The following CHRDL1 variants were observed in gnomAD, a reference collection of about 807,000 sequenced individuals.
CHRDL1 encodes the protein chordin like 1.
A neutral mutation model predicts 40.9 loss-of-function variants in CHRDL1; 19 were observed. The observed-to-expected ratio is 0.46, with a 90% CI of 0.32 to 0.68. The LOEUF is 0.68. Ranked by LOEUF, CHRDL1 falls within the 30% of genes least tolerant of loss-of-function variation. The pLI is 0.03. For missense variants in CHRDL1, 329 were observed against 352.1 expected, an observed-to-expected ratio of 0.93 and a Z score of 0.53; for synonymous variants, 136 against 123.4, an observed-to-expected ratio of 1.10 and a Z score of -0.68.
At chrX:110,782,462 T>A (rs1440144466) in intron 2 of CHRDL1, among the ~76,000 whole-genome samples, 1 of 112,541 alleles carries the variant, frequency 8.9e-6, no homozygotes, top group Non-Finnish European at 1.9e-5. Context: ...CAGGTCACTG[T>A]TTTTAGAACT....
intron 11 of CHRDL1, 94 bp from the exon 12 acceptor site, chrX:110,676,455 T>C: frequency 1.2e-6 from 1 of 832,664 alleles, no homozygotes; most frequent in Non-Finnish European, 1.7e-6. Flanking sequence ...GCTTACCCAC[T>C]TACTCATGGA....
At chrX:110,697,068 C>G (rs5985545) in intron 7 of CHRDL1, among the ~76,000 whole-genome samples, 53,464 of 110,175 alleles carry the variant, frequency 0.49, 11,253 homozygotes, top group African/African-American at 0.79. Flanking sequence ...CTGCAACTAG[C>G]CTGCTTGAGA....
chrX:110,758,660 T>TA (rs1445056203), intron 4 of CHRDL1, among the ~76,000 whole-genome samples: 1 of 111,655 alleles, frequency 9.0e-6, no homozygotes, highest in African/African-American at 3.3e-5. Context: ...TGGAAGTTCC[T>TA]CACCACTTAA....
At position 110,700,735 on chromosome X, in the gene CHRDL1, A is replaced by G. The variant is rs770417820; in HGVS notation, c.542-14T>C. 2.9e-6 allele frequency: 3 copies of G among 1,050,607 alleles called. No individual in the cohort carries two copies. Among genetic ancestry groups the G allele is most frequent in the East Asian group, 6.0e-5 (2 of 33,162 alleles). The allele number at this position is 1,050,607 out of a possible 1,213,427, so 86.6% of individuals were successfully genotyped here. On this transcript the variant is annotated splice_polypyrimidine_tract_variant and intron_variant, in intron 6 of 11. Coordinates refer to ENST00000372042, the MANE Select transcript of CHRDL1 (RefSeq NM_001143981.2). Reference sequence around the variant, plus strand: ...GTTCTCCATCTCCTGTTTATTAAAAAGAAATAAGGAGAAAATCATACATTC... The same window carrying G: ...GTTCTCCATCTCCTGTTTATTAAAAGGAAATAAGGAGAAAATCATACATTC...
chrX:110,785,166 T>G (rs779899468), intron 2 of CHRDL1, among the ~76,000 whole-genome samples: 1 of 111,583 alleles, frequency 9.0e-6, no homozygotes, highest in South Asian at 3.8e-4. Flanking sequence ...GCTCTTGAAC[T>G]TCTCACAATA....
At position 110,675,718 on chromosome X, in the gene CHRDL1, AGAGG is replaced by A. The variant is rs57440304; in HGVS notation, c.*509_*512del. 0.43 allele frequency: 42,003 copies of A among 98,311 alleles called. 8,258 individuals are homozygous for A. The highest frequency in any genetic ancestry group is 0.67 in the African/African-American group (16,611 of 24,893). The allele number at this position is 98,311 out of a possible 1,213,427, so 8.1% of individuals were successfully genotyped here. On this transcript the variant is annotated 3_prime_UTR_variant, in exon 12 of 12. Transcript: ENST00000372042. ...GTGTGTGTGTGTGTGTGTCTGTGAG[AGAGG>A]GAGGGAGAGAGAGAGAGAGAGAGAA...
chrX:110,714,019 G>A (rs1217054145), intron 6 of CHRDL1, among the ~76,000 whole-genome samples: 2 of 109,934 alleles, frequency 1.8e-5, no homozygotes, highest in African/African-American at 6.6e-5. Context: ...CCAGAATGTG[G>A]CAGTAGTATA....
chrX:110,736,385 T>C (rs2071263925), intron 4 of CHRDL1, among the ~76,000 whole-genome samples: 1 of 111,933 alleles, frequency 8.9e-6, no homozygotes, highest in African/African-American at 3.2e-5. Flanking sequence ...GAAAGAAAGG[T>C]GTGAAAAGTA....
In CHRDL1 at chrX:110,673,970, G is replaced by A. The variant is rs1171390703; in HGVS notation, c.*2261C>T. ...GTGAGAACAGTGAAAGGGTAATACTGTTATGTTACTCTTACTTGTTTACAT... is the reference window on the plus strand; with the variant it reads ...GTGAGAACAGTGAAAGGGTAATACTATTATGTTACTCTTACTTGTTTACAT... On this transcript the variant is annotated 3_prime_UTR_variant, in exon 12 of 12. Transcript: ENST00000372042. 8.9e-6 allele frequency: 1 copy of A among 112,399 alleles called. No individual in the cohort carries two copies. The highest frequency in any genetic ancestry group is 3.2e-5 in the African/African-American group (1 of 30,938). The allele number at this position is 112,399 out of a possible 1,213,427, so 9.3% of individuals were successfully genotyped here. A position where few individuals can be genotyped will look rare whatever the true frequency, so the allele number is the denominator to read the frequency against.
Position 110,674,274 on chromosome X carries a change from C to T in CHRDL1, c.*1957G>A, listed in dbSNP as rs2069727124. On this transcript the variant is annotated 3_prime_UTR_variant, in exon 12 of 12. Transcript: ENST00000372042. ...GGAGGCAGGAGTATATCTAGGGAAACTCTCTGCGTGTTCTCTTAAGGCTAA... is the reference window on the plus strand; with the variant it reads ...GGAGGCAGGAGTATATCTAGGGAAATTCTCTGCGTGTTCTCTTAAGGCTAA... 9.0e-6 allele frequency: 1 copy of T among 111,040 alleles called. No homozygotes were observed. The highest frequency in any genetic ancestry group is 1.9e-5 in the Non-Finnish European group (1 of 52,981). 9.2% of individuals were successfully genotyped at this position (111,040 alleles called of 1,213,427 possible).
chrX:110,792,351 C>G, intron 1 of CHRDL1, 136 bp from the exon 2 acceptor site: 1 of 378,503 alleles, frequency 2.6e-6, no homozygotes, highest in East Asian at 4.4e-5. Flanking sequence ...GTATTGTCTG[C>G]CTGCACAAGA....
At chrX:110,718,582 GCCTGGGGC>G (rs995136913) in intron 6 of CHRDL1, among the ~76,000 whole-genome samples, 2 of 111,731 alleles carry the variant, frequency 1.8e-5, no homozygotes, top group Non-Finnish European at 3.8e-5. Context: ...GCTCTTCCCT[GCCTGGGGC>G]CTTTGAACTT....
At chrX:110,738,725 G>C (rs2071307751) in intron 4 of CHRDL1, among the ~76,000 whole-genome samples, 1 of 101,689 alleles carries the variant, frequency 9.8e-6, no homozygotes, top group Non-Finnish European at 2.0e-5. Flanking sequence ...CTGGGTGACA[G>C]AGTGAGACTC....
intron 2 of CHRDL1, among the ~76,000 whole-genome samples, chrX:110,787,402 TAA>T (rs746302287): frequency 1.8e-5 from 2 of 111,663 alleles, no homozygotes; most frequent in Admixed American, 9.5e-5. Context: ...CTCACCAAAA[TAA>T]AAAACAATTA....
intron 4 of CHRDL1, among the ~76,000 whole-genome samples, chrX:110,757,099 T>C (rs1422359989): frequency 2.7e-5 from 3 of 110,980 alleles, no homozygotes; most frequent in Non-Finnish European, 5.7e-5. Context: ...TAATATATCA[T>C]TTTAGGGAGA....
Position 110,674,782 on chromosome X carries a change from C to T in CHRDL1, c.*1449G>A. 1 of 112,365 alleles carries T rather than the reference C, an allele frequency of 8.9e-6. No individual in the cohort carries two copies. Among genetic ancestry groups the T allele is most frequent in the Middle Eastern group, 4.6e-3 (1 of 218 alleles). The allele number at this position is 112,365 out of a possible 1,213,427, so 9.3% of individuals were successfully genotyped here. On this transcript the variant is annotated 3_prime_UTR_variant, in exon 12 of 12. Transcript: ENST00000372042. The stretch of plus-strand genomic sequence containing the variant: ...TTTCTGGGTCCTTAAAACATTTCTA[C>T]AGTTCATTCCTGCCCCTCAGAGGGA...
At chrX:110,716,959 T>C (rs528807079) in intron 6 of CHRDL1, among the ~76,000 whole-genome samples, 1 of 111,895 alleles carries the variant, frequency 8.9e-6, no homozygotes, top group East Asian at 2.8e-4. Context: ...TGGTCGGACT[T>C]AGATGCTTTA....
intron 2 of CHRDL1, among the ~76,000 whole-genome samples, chrX:110,769,104 C>T (rs769913736): frequency 8.9e-6 from 1 of 111,897 alleles, no homozygotes; most frequent in East Asian, 2.8e-4. Context: ...AACATTTATT[C>T]TTTACTCTCT....
rs776576336 is a variant in CHRDL1 at position 110,691,127 on chromosome X, T to C, written c.779-2324A>G. 5.6e-5 allele frequency among the ~76,000 whole-genome samples: 6 copies of C among 108,087 alleles called. No individual in the cohort carries two copies. The East Asian group carries it at 1.7e-3, about 31-fold the overall frequency. 93.9% of individuals were successfully genotyped at this position (108,087 alleles called of 115,157 possible). A position where few individuals can be genotyped will look rare whatever the true frequency, so the allele number is the denominator to read the frequency against. On this transcript the variant is annotated intron_variant, in intron 8 of 11. Coordinates refer to ENST00000372042, the MANE Select transcript of CHRDL1 (RefSeq NM_001143981.2). The stretch of plus-strand genomic sequence containing the variant: ...TACTTGGGAGGCTGAGGTGGGAGGA[T>C]CACTTGGGCCCGGGAAGTCGAGGCT...
Sources: allele counts gnomAD v4.1 joint callset (sites outside exome capture counted in the v4.1 genomes callset), GRCh38; gene constraint gnomAD v4.1.1; transcripts MANE v1.5; gene names NCBI Gene and HGNC (gene_info 2026-07-23, HGNC 2026-07-21).